SEMA5A: variants seen among roughly 807,000 people sequenced by gnomAD.
The protein encoded by SEMA5A is semaphorin 5A.
In SEMA5A, 55 loss-of-function variants were observed where a neutral mutation model predicts 135.5. The observed-to-expected ratio is 0.41, with a 90% CI of 0.33 to 0.51. The LOEUF (loss-of-function observed/expected upper bound fraction) is 0.51. SEMA5A is among the 20% of genes least tolerant of loss of function. SEMA5A has a pLI of 0.37. For synonymous variants in SEMA5A, 580 were observed against 546.5 expected (o/e 1.06, Z -0.85); for missense variants, 1,290 against 1,419.9 (o/e 0.91, Z 1.47).
At chr5:9,281,472 T>A (rs1750537204) in intron 5 of SEMA5A, among the ~76,000 whole-genome samples, 1 of 152,246 alleles carries the variant, frequency 6.6e-6, no homozygotes, top group Non-Finnish European at 1.5e-5. Flanking sequence ...CTAAATGTCC[T>A]ATGCTGCCCA....
intron 11 of SEMA5A, among the ~76,000 whole-genome samples, chr5:9,178,331 C>T (rs1163355826): frequency 2.4e-5 from 3 of 123,586 alleles, no homozygotes; most frequent in Non-Finnish European, 3.3e-5. Flanking sequence ...TTTTTCTCTC[C>T]TTTTTTTTTT....
chr5:9,327,707 T>A (rs1007718824), intron 4 of SEMA5A, among the ~76,000 whole-genome samples: 1 of 152,214 alleles, frequency 6.6e-6, no homozygotes, highest in African/African-American at 2.4e-5. Flanking sequence ...GGGTAAAAGT[T>A]ATTAATCAAT....
rs1056771555 is a variant in SEMA5A, at chr5:9,136,353, G to C, written c.1599+151C>G. On this transcript the variant is annotated intron_variant, in intron 13 of 22. Transcript: ENST00000382496. ...CCACGTGGCCCTGTGCAAGCCAAGA[G>C]CTGAGTGATCTGAGAGAGCACAGAC... The C allele has an allele frequency of 5.4e-5, 34 of 627,174 alleles. 1 individual carries two copies. The highest frequency in any genetic ancestry group is 3.9e-4 in the Middle Eastern group (1 of 2,580). 38.9% of individuals were successfully genotyped at this position (627,174 alleles called of 1,614,324 possible). A position where few individuals can be genotyped will look rare whatever the true frequency, so the allele number is the denominator to read the frequency against.
chr5:9,347,099 C>T (rs574764980), intron 3 of SEMA5A, among the ~76,000 whole-genome samples: 31 of 152,128 alleles, frequency 2.0e-4, no homozygotes, highest in South Asian at 1.0e-3. Context: ...TAAAACATTT[C>T]GTATCACGAA....
At position 9,293,353 on chromosome 5, in the gene SEMA5A, G is replaced by A. The variant is rs531316647; in HGVS notation, c.270+25019C>T. On this transcript the variant is annotated intron_variant, in intron 5 of 22. Transcript: ENST00000382496. The stretch of plus-strand genomic sequence containing the variant: ...TTCTGAGAAAATGTCTTCCTTGAGT[G>A]TCTTTTACTTCTTAAGGGTTTAAGA... 6.2e-4 allele frequency among the ~76,000 whole-genome samples: 95 copies of A among 152,258 alleles called. No homozygotes were observed. In the South Asian group the frequency reaches 0.011, roughly 17 times the overall value.
rs201691550 is a variant in SEMA5A, at chr5:9,342,337, A to T, written c.125-4525T>A. Among the ~76,000 whole-genome samples, 5 of 152,126 alleles carry T rather than the reference A, an allele frequency of 3.3e-5. No individual in the cohort carries two copies. The East Asian group carries it at 9.6e-4, about 29-fold the overall frequency. On this transcript the variant is annotated intron_variant, in intron 3 of 22. Transcript: ENST00000382496. ...TGCAGCGCCAACTGTCCAGAAACCA[A>T]TCTGATTTGTTAGCAAACACTGACC...
intron 21 of SEMA5A, among the ~76,000 whole-genome samples, chr5:9,048,871 G>C (rs1312660373): frequency 6.6e-6 from 1 of 152,166 alleles, no homozygotes; most frequent in Non-Finnish European, 1.5e-5. Flanking sequence ...TCATCTTGTA[G>C]TTGGATCCCA....
At chr5:9,138,245 G>A (rs750849353) in intron 12 of SEMA5A, among the ~76,000 whole-genome samples, 1 of 152,082 alleles carries the variant, frequency 6.6e-6, no homozygotes, top group South Asian at 2.1e-4. Flanking sequence ...AAAGGACAAG[G>A]GGAAAGCCTA....
chr5:9,537,540 A>G (rs987471482), intron 1 of SEMA5A, among the ~76,000 whole-genome samples: 2 of 152,226 alleles, frequency 1.3e-5, no homozygotes, highest in African/African-American at 4.8e-5. Flanking sequence ...GTGTATCCTC[A>G]TAAATAACTC....
chr5:9,344,814 C>T (rs1055861409), intron 3 of SEMA5A, among the ~76,000 whole-genome samples: 4 of 152,164 alleles, frequency 2.6e-5, no homozygotes, highest in Admixed American at 6.5e-5. Context: ...TTCAGTATAA[C>T]TCCTATTGAG....
chr5:9,080,539 T>A (rs79051988), intron 16 of SEMA5A, among the ~76,000 whole-genome samples: 2 of 146,718 alleles, frequency 1.4e-5, no homozygotes. Context: ...ACTCTTAAAT[T>A]AAAAAAAAAA....
intron 2 of SEMA5A, among the ~76,000 whole-genome samples, chr5:9,404,972 C>T (rs1464581825): frequency 6.6e-6 from 1 of 152,192 alleles, no homozygotes; most frequent in Non-Finnish European, 1.5e-5. Flanking sequence ...AACCAGCTCT[C>T]CAGAGTATGT....
At chr5:9,291,415 C>T (rs1446749124) in intron 5 of SEMA5A, among the ~76,000 whole-genome samples, 4 of 152,302 alleles carry the variant, frequency 2.6e-5, no homozygotes, top group East Asian at 3.9e-4. Flanking sequence ...AGCTCCTTTG[C>T]CAGTTCCAGG....
chr5:9,225,054 T>A (rs1258514921), intron 7 of SEMA5A, among the ~76,000 whole-genome samples, 167 bp from the exon 8 acceptor site: 2 of 152,162 alleles, frequency 1.3e-5, no homozygotes, highest in Non-Finnish European at 2.9e-5. Context: ...AAGAGCCTAC[T>A]CTGCTCATGG....
Position 9,135,603 on chromosome 5 carries a change from T to C in SEMA5A, c.1599+901A>G, listed in dbSNP as rs1741693905. On this transcript the variant is annotated intron_variant, in intron 13 of 22. Coordinates refer to ENST00000382496, the MANE Select transcript of SEMA5A (RefSeq NM_003966.3). Reference sequence around the variant, plus strand: ...GCAACGCCTTCGCAGTTCTAAAGCATGGAAGAAACAGCAAGGAGTTCACAC... The same window carrying C: ...GCAACGCCTTCGCAGTTCTAAAGCACGGAAGAAACAGCAAGGAGTTCACAC... Among the ~76,000 whole-genome samples the C allele has an allele frequency of 2.6e-5, 4 of 152,186 alleles. No homozygotes were observed. In the South Asian group the frequency reaches 8.3e-4, roughly 31 times the overall value.
At chr5:9,366,867 G>A (rs1754938865) in intron 3 of SEMA5A, among the ~76,000 whole-genome samples, 1 of 152,176 alleles carries the variant, frequency 6.6e-6, no homozygotes, top group South Asian at 2.1e-4. Context: ...TTTTTCACTT[G>A]AAGAAATTGA....
intron 11 of SEMA5A, among the ~76,000 whole-genome samples, chr5:9,181,773 T>C (rs1350478867): frequency 6.6e-6 from 1 of 152,104 alleles, no homozygotes; most frequent in Non-Finnish European, 1.5e-5. Flanking sequence ...CATTTCCCCA[T>C]GACAGGTGCA....
chr5:9,296,170 A>T (rs1751325036), intron 5 of SEMA5A, among the ~76,000 whole-genome samples: 1 of 152,242 alleles, frequency 6.6e-6, no homozygotes, highest in Non-Finnish European at 1.5e-5. Context: ...ACAGAAGGAA[A>T]GAAATAGAAT....
At chr5:9,310,554 T>C (rs1000868360) in intron 5 of SEMA5A, among the ~76,000 whole-genome samples, 1 of 151,970 alleles carries the variant, frequency 6.6e-6, no homozygotes, top group Non-Finnish European at 1.5e-5. Context: ...AAATTAATCA[T>C]TGTGAATATC....
Sources: allele counts gnomAD v4.1 joint callset (sites outside exome capture counted in the v4.1 genomes callset), GRCh38; gene constraint gnomAD v4.1.1; transcripts MANE v1.5; gene names NCBI Gene and HGNC (gene_info 2026-07-23, HGNC 2026-07-21).